CACNA2D1: variants seen among roughly 807,000 people sequenced by gnomAD.
The protein encoded by CACNA2D1 is calcium voltage-gated channel auxiliary subunit alpha2delta 1, also known as voltage-dependent calcium channel subunit alpha-2/delta-1.
In CACNA2D1, 53 loss-of-function variants were observed where a neutral mutation model predicts 171.5. The ratio of observed to expected loss-of-function variants is 0.31; its 90% CI spans 0.25 to 0.39. The LOEUF (loss-of-function observed/expected upper bound fraction) is 0.39, where lower values mean the gene tolerates loss of function less well. CACNA2D1 is among the 10% of genes least tolerant of loss of function. CACNA2D1 has a pLI of 1.00. For missense variants in CACNA2D1, 903 were observed against 1,299.8 expected (o/e 0.69, Z 4.69); for synonymous variants, 442 against 443.1 (o/e 1.00, Z 0.03).
intron 3 of CACNA2D1, among the ~76,000 whole-genome samples, chr7:82,322,163 GCAA>G (rs1816047854): frequency 8.0e-6 from 1 of 125,002 alleles, no homozygotes; most frequent in Non-Finnish European, 1.7e-5. Flanking sequence ...AACAAGCTAA[GCAA>G]CAATAATGGG....
chr7:82,112,901 C>G (rs578103373), intron 6 of CACNA2D1, among the ~76,000 whole-genome samples: 2 of 152,228 alleles, frequency 1.3e-5, no homozygotes, highest in South Asian at 4.1e-4. Flanking sequence ...AGATAAGTTA[C>G]AAGGATAATG....
intron 12 of CACNA2D1, chr7:82,028,044 G>C (rs1802163334): frequency 6.6e-6 from 1 of 151,820 alleles, no homozygotes. Context: ...AAACAGCCTT[G>C]TATTTGAAGA....
chr7:82,217,390 C>CATAAATATATATATATAT (rs1199331212), intron 3 of CACNA2D1, among the ~76,000 whole-genome samples: 2 of 54,456 alleles, frequency 3.7e-5, no homozygotes, highest in South Asian at 6.1e-4. Flanking sequence ...CACACACACA[C>CATAAATATATATATATAT]ATACATATAT....
intron 1 of CACNA2D1, among the ~76,000 whole-genome samples, chr7:82,431,005 A>G (rs1217173732): frequency 6.6e-6 from 1 of 152,204 alleles, no homozygotes; most frequent in African/African-American, 2.4e-5. Flanking sequence ...AAATGTCACA[A>G]CAAAGCACAT....
In CACNA2D1 at chr7:82,335,182, C is replaced by T; in HGVS notation, c.247G>A (p.Ala83Thr). Residue 83 changes from alanine to threonine, a missense_variant, in exon 3 of 39, where the codon GCC becomes ACC. Around this residue, in one of 5 missense-constraint regions of CACNA2D1, gnomAD observed 189 missense variants for 266.8 expected, o/e 0.71. Coordinates refer to ENST00000356860, the MANE Select transcript of CACNA2D1 (RefSeq NM_000722.4). ...CTCAGAAGTTTCTCAATATCCCTGG[C>T]TGCAATTTCTACCAGCTGGCGTGCA... ...NNARQLVEIA[A>T]RDIEKLLSNR... 2 of 1,613,302 alleles carry T rather than the reference C, an allele frequency of 1.2e-6. No individual in the cohort carries two copies. The highest frequency in any genetic ancestry group is 1.7e-6 in the Non-Finnish European group (2 of 1,179,376).
chr7:82,293,616 G>A (rs1440644940), intron 3 of CACNA2D1, among the ~76,000 whole-genome samples: 2 of 152,156 alleles, frequency 1.3e-5, no homozygotes, highest in Non-Finnish European at 2.9e-5. Flanking sequence ...CCTCAAAGAA[G>A]AGGCTTTATT....
At chr7:82,171,342 T>C (rs1345895055) in intron 3 of CACNA2D1, among the ~76,000 whole-genome samples, 1 of 152,050 alleles carries the variant, frequency 6.6e-6, no homozygotes, top group Non-Finnish European at 1.5e-5. Context: ...CAATAGCTTT[T>C]AGACTTTTCT....
chr7:82,277,572 T>C (rs1055610300), intron 3 of CACNA2D1, among the ~76,000 whole-genome samples: 3 of 152,050 alleles, frequency 2.0e-5, no homozygotes, highest in Admixed American at 1.3e-4. Context: ...AATAAAACCA[T>C]GAATGTGATT....
chr7:82,395,243 T>C (rs147227814), intron 1 of CACNA2D1, among the ~76,000 whole-genome samples: 114 of 152,070 alleles, frequency 7.5e-4, no homozygotes, highest in Non-Finnish European at 6.8e-4. Flanking sequence ...GAATGTATGA[T>C]ATGATGGAGT....
intron 3 of CACNA2D1, among the ~76,000 whole-genome samples, chr7:82,184,211 T>TG (rs1797441598): frequency 6.8e-6 from 1 of 147,680 alleles, no homozygotes; most frequent in South Asian, 2.1e-4. Flanking sequence ...GGGGGATGGA[T>TG]GTATCACATT....
At chr7:82,145,268 AT>A (rs1792855141) in intron 4 of CACNA2D1, among the ~76,000 whole-genome samples, 1 of 145,978 alleles carries the variant, frequency 6.9e-6, no homozygotes, top group Non-Finnish European at 1.5e-5. Context: ...TATATAAAAT[AT>A]ATAAAATAAA....
chr7:82,288,986 CTAGTCTGCAACA>C (rs1225390109), intron 3 of CACNA2D1, among the ~76,000 whole-genome samples: 1 of 152,172 alleles, frequency 6.6e-6, no homozygotes, highest in Non-Finnish European at 1.5e-5. Flanking sequence ...AGTCATGTAT[CTAGTCTGCAACA>C]GCCACTACCT....
At chr7:82,324,374 G>A (rs1440686810) in intron 3 of CACNA2D1, among the ~76,000 whole-genome samples, 1 of 125,948 alleles carries the variant, frequency 7.9e-6, no homozygotes. Flanking sequence ...AAAGAAGAAG[G>A]AAGGAAGGAG....
chr7:82,115,900 C>T (rs997183951), intron 6 of CACNA2D1, among the ~76,000 whole-genome samples: 2 of 152,116 alleles, frequency 1.3e-5, no homozygotes, highest in Admixed American at 6.6e-5. Context: ...GCTTTATCCT[C>T]AAAGGACATT....
intron 3 of CACNA2D1, among the ~76,000 whole-genome samples, chr7:82,300,951 A>C (rs1812923371): frequency 6.6e-6 from 1 of 152,316 alleles, no homozygotes; most frequent in East Asian, 1.9e-4. Context: ...GCAGTTGATA[A>C]CTTCCAAATT....
chr7:82,126,144 A>G (rs770425077), intron 5 of CACNA2D1, among the ~76,000 whole-genome samples: 2 of 152,148 alleles, frequency 1.3e-5, no homozygotes, highest in African/African-American at 2.4e-5. Context: ...AAATAACTAA[A>G]AAGCAGAGAG....
Position 82,013,444 on chromosome 7 carries a change from G to T in CACNA2D1, c.1272+17C>A. ...TACTTGAAAAAAATAATTTAAACAAGTTTTAAATAATCATACCTGAGTATT... is the reference window on the plus strand; with the variant it reads ...TACTTGAAAAAAATAATTTAAACAATTTTTAAATAATCATACCTGAGTATT... On this transcript the variant is annotated intron_variant, in intron 14 of 38. Coordinates refer to ENST00000356860, the MANE Select transcript of CACNA2D1 (RefSeq NM_000722.4). 9.6e-7 allele frequency: 1 copy of T among 1,044,190 alleles called. No homozygotes were observed. Among genetic ancestry groups the T allele is most frequent in the East Asian group, 3.4e-5 (1 of 29,798 alleles). The allele number at this position is 1,044,190 out of a possible 1,614,324, so 64.7% of individuals were successfully genotyped here. A position where few individuals can be genotyped will look rare whatever the true frequency, so the allele number is the denominator to read the frequency against.
chr7:82,049,348 T>G (rs1053193768), intron 10 of CACNA2D1, among the ~76,000 whole-genome samples: 1 of 152,128 alleles, frequency 6.6e-6, no homozygotes, highest in Non-Finnish European at 1.5e-5. Flanking sequence ...TTCCATTTCT[T>G]CCTGTTTTAA....
rs939384623 is a variant in CACNA2D1 at position 82,281,418 on chromosome 7, A to T, written c.294+53717T>A. Among the ~76,000 whole-genome samples, 4 of 152,334 alleles carry T rather than the reference A, an allele frequency of 2.6e-5. No individual in the cohort carries two copies. In the South Asian group the frequency reaches 8.3e-4, roughly 32 times the overall value. ...GAGGGGTGGACTCACTGTTCAAGAGACAGCCACAATGTCCACTACACAAGA... is the reference window on the plus strand; with the variant it reads ...GAGGGGTGGACTCACTGTTCAAGAGTCAGCCACAATGTCCACTACACAAGA... On this transcript the variant is annotated intron_variant, in intron 3 of 38. Transcript: ENST00000356860.
Sources: gnomAD v4.1 joint callset for allele counts (sites outside exome capture counted in the v4.1 genomes callset) on GRCh38, gnomAD v4.1.1 for gene constraint, gnomAD v4.1.1 regional missense constraint, MANE v1.5 for transcripts, NCBI Gene and HGNC (gene_info 2026-07-23, HGNC 2026-07-21) for gene names.